The following PDE7B variants were observed in gnomAD, a reference collection of about 807,000 sequenced individuals.
The protein encoded by PDE7B is 3',5'-cyclic-AMP phosphodiesterase 7B.
In PDE7B, 29 loss-of-function variants were observed where a neutral mutation model predicts 56.2. The ratio of observed to expected loss-of-function variants is 0.52; its 90% confidence interval spans 0.38 to 0.70. The LOEUF (loss-of-function observed/expected upper bound fraction) is 0.70, where lower values mean the gene tolerates loss of function less well. Ranked by LOEUF, PDE7B falls within the 30% of genes least tolerant of loss-of-function variation. The probability of loss-of-function intolerance (pLI) is 0.00; values close to 1 mark genes in which losing one functional copy is unlikely to be tolerated. For missense variants in PDE7B, 490 were observed against 565.0 expected (o/e 0.87, Z 1.35); for synonymous variants, 197 against 196.9 (o/e 1.00, Z 0.00).
chr6:136,001,553 G>A (rs2128206130), intron 2 of PDE7B, among the ~76,000 whole-genome samples: 1 of 152,308 alleles, frequency 6.6e-6, no homozygotes, highest in East Asian at 1.9e-4. Flanking sequence ...CGTGAAGAAT[G>A]CAGAAGCCTC....
At chr6:136,140,166 T>A (rs2128445796) in intron 3 of PDE7B, among the ~76,000 whole-genome samples, 1 of 152,312 alleles carries the variant, frequency 6.6e-6, no homozygotes, top group Non-Finnish European at 1.5e-5. Flanking sequence ...AAGGAAGGGA[T>A]CCAGTTTCAG....
intron 2 of PDE7B, among the ~76,000 whole-genome samples, chr6:136,014,998 G>A (rs2128207526): frequency 6.6e-6 from 1 of 152,326 alleles, no homozygotes; most frequent in South Asian, 2.1e-4. Flanking sequence ...TATCGATGTT[G>A]AAGTTAAAAT....
chr6:136,191,531 G>T (rs1362886091), intron 12 of PDE7B, 83 bp from the exon 13 acceptor site: 3 of 1,165,932 alleles, frequency 2.6e-6, no homozygotes, highest in African/African-American at 3.0e-5. Context: ...GCCGGGCGTG[G>T]TGGGTCCCCA....
chr6:136,176,741 A>T (rs1036992439), intron 9 of PDE7B, among the ~76,000 whole-genome samples: 16 of 152,160 alleles, frequency 1.1e-4, no homozygotes, highest in African/African-American at 3.9e-4. Flanking sequence ...GTACTAATTT[A>T]TACTCCCTAA....
At chr6:136,156,379 G>A (rs946623069) in intron 8 of PDE7B, among the ~76,000 whole-genome samples, 1 of 152,008 alleles carries the variant, frequency 6.6e-6, no homozygotes, top group Non-Finnish European at 1.5e-5. Flanking sequence ...TAGGGACAAG[G>A]TCTCACTATG....
chr6:135,979,563 T>C (rs1262458617), intron 2 of PDE7B, among the ~76,000 whole-genome samples: 4 of 152,132 alleles, frequency 2.6e-5, no homozygotes, highest in African/African-American at 7.2e-5. Context: ...GATCCTGTTA[T>C]TGGTCTATTC....
At chr6:136,190,824 A>G (rs2128452727) in intron 12 of PDE7B, among the ~76,000 whole-genome samples, 1 of 152,258 alleles carries the variant, frequency 6.6e-6, no homozygotes, top group African/African-American at 2.4e-5. Context: ...AAAATGAGTG[A>G]ACTTTAAACT....
At chr6:136,178,376 G>C (rs999755551) in intron 9 of PDE7B, among the ~76,000 whole-genome samples, 1 of 152,056 alleles carries the variant, frequency 6.6e-6, no homozygotes, top group Non-Finnish European at 1.5e-5. Context: ...CTTTTTATAT[G>C]TGAGGGAAAG....
chr6:135,963,118 A>T (rs1490709999), intron 2 of PDE7B, among the ~76,000 whole-genome samples: 2 of 152,194 alleles, frequency 1.3e-5, no homozygotes, highest in Non-Finnish European at 2.9e-5. Flanking sequence ...AACATGTAAC[A>T]CAGCCACACT....
chr6:136,132,739 A>G (rs1735419922), intron 3 of PDE7B, among the ~76,000 whole-genome samples: 1 of 152,204 alleles, frequency 6.6e-6, no homozygotes, highest in South Asian at 2.1e-4. Flanking sequence ...TTTGGGATCC[A>G]TTCAGACATG....
intron 2 of PDE7B, among the ~76,000 whole-genome samples, chr6:136,033,476 C>T (rs1776275018): frequency 6.6e-6 from 1 of 152,130 alleles, no homozygotes; most frequent in Admixed American, 6.5e-5. Flanking sequence ...AAAAAGGACC[C>T]AAAGGCTAGC....
chr6:136,015,544 A>G (rs1468233211), intron 2 of PDE7B, among the ~76,000 whole-genome samples: 1 of 152,254 alleles, frequency 6.6e-6, no homozygotes, highest in Non-Finnish European at 1.5e-5. Flanking sequence ...GAGAATAAGT[A>G]ATATTTAAAA....
chr6:135,872,568 C>T (rs1775405379), intron 1 of PDE7B, among the ~76,000 whole-genome samples: 1 of 152,096 alleles, frequency 6.6e-6, no homozygotes, highest in South Asian at 2.1e-4. Context: ...CCTTTCTATA[C>T]TGTCAGATTA....
intron 2 of PDE7B, among the ~76,000 whole-genome samples, chr6:136,001,946 G>C (rs1203493252): frequency 6.6e-6 from 1 of 152,120 alleles, no homozygotes; most frequent in South Asian, 2.1e-4. Context: ...AGGGCAGCCA[G>C]AGAGAAAGGT....
At chr6:135,924,015 C>G (rs542443311) in intron 1 of PDE7B, among the ~76,000 whole-genome samples, 1 of 152,174 alleles carries the variant, frequency 6.6e-6, no homozygotes, top group African/African-American at 2.4e-5. Context: ...TACATTCTTG[C>G]TTATCAAGTT....
intron 2 of PDE7B, among the ~76,000 whole-genome samples, chr6:135,994,588 A>G (rs1393309737): frequency 6.6e-6 from 1 of 152,238 alleles, no homozygotes; most frequent in Admixed American, 6.5e-5. Context: ...AATAGAGCCT[A>G]TAATACACTC....
Position 136,194,106 on chromosome 6 carries a change from T to G in PDE7B, c.*2266T>G, listed in dbSNP as rs1779274764. 6.6e-6 allele frequency: 1 copy of G among 152,186 alleles called. No homozygotes were observed. Among genetic ancestry groups the G allele is most frequent in the African/African-American group, 2.4e-5 (1 of 41,420 alleles). 9.4% of individuals were successfully genotyped at this position (152,186 alleles called of 1,614,324 possible). ...TTCCTACTTCCAAACCTGTCTTACTTTGGTTTGATGGTACACATAGGGCTT... is the reference window on the plus strand; with the variant it reads ...TTCCTACTTCCAAACCTGTCTTACTGTGGTTTGATGGTACACATAGGGCTT... On this transcript the variant is annotated 3_prime_UTR_variant, in exon 13 of 13. Transcript: ENST00000308191.
Position 136,170,168 on chromosome 6 carries a change from A to G in PDE7B, c.712-3629A>G, listed in dbSNP as rs78265384. Among the ~76,000 whole-genome samples the G allele has an allele frequency of 2.0e-5, 3 of 152,296 alleles. No homozygotes were observed. The East Asian group carries it at 5.8e-4, about 29-fold the overall frequency. ...ATTTGCTGAAAAAGTTGAACATCGT[A>G]TGGGTGGCTCAGATACAGTAGGGGC... On this transcript the variant is annotated intron_variant, in intron 8 of 12. Transcript: ENST00000308191.
chr6:135,913,111 T>A (rs529737934), intron 1 of PDE7B, among the ~76,000 whole-genome samples: 53 of 152,348 alleles, frequency 3.5e-4, no homozygotes, highest in African/African-American at 1.3e-3. Context: ...ACGAACTTTG[T>A]AATAAGAACT....
Sources: gnomAD v4.1 joint callset for allele counts (sites outside exome capture counted in the v4.1 genomes callset) on GRCh38, gnomAD v4.1.1 for gene constraint, MANE v1.5 for transcripts, NCBI Gene and HGNC (gene_info 2026-07-23, HGNC 2026-07-21) for gene names.